Variants in PRR5L observed in about 807,000 individuals in gnomAD.
PRR5L encodes the protein proline-rich protein 5-like.
In PRR5L, 21 loss-of-function variants were observed where a neutral mutation model predicts 36.4. That is an observed-to-expected ratio of 0.58 (90% confidence interval 0.41 to 0.83). The LOEUF is 0.83. Among genes scored for constraint, PRR5L ranks in the 40% least tolerant of loss-of-function variants. The pLI, the probability that PRR5L is intolerant of heterozygous loss-of-function variation, is 0.00. For missense variants in PRR5L, 381 were observed against 473.3 expected (o/e 0.80, Z 1.81); for synonymous variants, 188 against 197.0 (o/e 0.95, Z 0.38).
chr11:36,437,499 T>C (rs554752299), intron 6 of PRR5L, 23 bp downstream of exon 6: 8 of 1,399,540 alleles, frequency 5.7e-6, no homozygotes, highest in African/African-American at 4.3e-5. Context: ...GGGGAACACT[T>C]CCTGCCATCC....
In PRR5L at chr11:36,389,094, C is replaced by T. The variant is rs545259349; in HGVS notation, c.-125-11903C>T. 4.0e-4 allele frequency among the ~76,000 whole-genome samples: 61 copies of T among 152,258 alleles called. 1 individual carries two copies. Among genetic ancestry groups the T allele is most frequent in the African/African-American group, 1.3e-3 (56 of 41,540 alleles). ...TTCCCTGTTGGTGAGCACTTATTTC[C>T]AGCTCATTGTTGTTATAAAGAAGGC... On this transcript the variant is annotated intron_variant, in intron 1 of 8. Coordinates refer to ENST00000530639, the MANE Select transcript of PRR5L (RefSeq NM_001160167.2).
chr11:36,376,211 AGGG>A, intron 1 of PRR5L: 1 of 1,291,172 alleles, frequency 7.7e-7, no homozygotes, highest in Non-Finnish European at 1.0e-6. Context: ...GAGTTGCTGA[AGGG>A]GAGGAGGAGT....
chr11:36,354,451 C>T (rs1179526798), intron 1 of PRR5L, among the ~76,000 whole-genome samples: 1 of 152,184 alleles, frequency 6.6e-6, no homozygotes, highest in Non-Finnish European at 1.5e-5. Flanking sequence ...TTGTTGGTTG[C>T]ATCTGCGGTG....
At chr11:36,302,280 T>G (rs1441028410) in intron 1 of PRR5L, among the ~76,000 whole-genome samples, 5 of 152,096 alleles carry the variant, frequency 3.3e-5, no homozygotes, top group Non-Finnish European at 5.9e-5. Context: ...GGAAGAATTT[T>G]GGGGAGAATG....
At chr11:36,419,911 T>TG (rs1858226788) in intron 4 of PRR5L, among the ~76,000 whole-genome samples, 3 of 152,154 alleles carry the variant, frequency 2.0e-5, no homozygotes, top group Non-Finnish European at 2.9e-5. Context: ...GTTTGGGTAG[T>TG]GGGGGTCCCC....
In PRR5L at chr11:36,377,272, G is replaced by A. The variant is rs1229191443; in HGVS notation, c.-125-23725G>A. On this transcript the variant is annotated intron_variant, in intron 1 of 8. Transcript: ENST00000530639. This position sits in a 1 kb window ranked among gnomAD's most constrained non-coding sequence, Gnocchi z 5.1. ...GCGCGCGCTCTGCGGACTAGGGTGGGCCAGGGCCCAGCCAGTGGGGATCCC... is the reference window on the plus strand; with the variant it reads ...GCGCGCGCTCTGCGGACTAGGGTGGACCAGGGCCCAGCCAGTGGGGATCCC... Among the ~76,000 whole-genome samples the A allele has an allele frequency of 1.3e-5, 2 of 152,194 alleles. No homozygotes were observed. The highest frequency in any genetic ancestry group is 4.8e-5 in the African/African-American group (2 of 41,452).
chr11:36,336,464 A>C (rs568222913), intron 1 of PRR5L, among the ~76,000 whole-genome samples: 32 of 151,000 alleles, frequency 2.1e-4, no homozygotes, highest in African/African-American at 7.8e-4. Flanking sequence ...TCCTGGGTTC[A>C]AGTGATCTGC....
chr11:36,354,889 GA>G (rs1298210919), intron 1 of PRR5L, among the ~76,000 whole-genome samples: 3 of 152,204 alleles, frequency 2.0e-5, no homozygotes. Flanking sequence ...AAAAAATCTG[GA>G]ATATGTGGCT....
In PRR5L at chr11:36,464,719, T is replaced by C. The variant is rs544352965; in HGVS notation, c.*1983T>C. On this transcript the variant is annotated 3_prime_UTR_variant, in exon 9 of 9. Transcript: ENST00000530639. ...GTAATTAATTAATCATGCTTGGGCT[T>C]ACTTTTTCAGTTTGTAAGGTTAAGC... The C allele has an allele frequency of 6.6e-6, 1 of 152,292 alleles. No homozygotes were observed. The highest frequency in any genetic ancestry group is 2.1e-4 in the South Asian group (1 of 4,826). The allele number at this position is 152,292 out of a possible 1,614,324, so 9.4% of individuals were successfully genotyped here.
rs375148967 is a variant in PRR5L at position 36,380,064 on chromosome 11, G to C, written c.-125-20933G>C. Among the ~76,000 whole-genome samples, 583 of 152,108 alleles carry C rather than the reference G, an allele frequency of 3.8e-3. 8 individuals carry two copies. The highest frequency in any genetic ancestry group is 0.014 in the African/African-American group (562 of 41,478). On this transcript the variant is annotated intron_variant, in intron 1 of 8. Coordinates refer to ENST00000530639, the MANE Select transcript of PRR5L (RefSeq NM_001160167.2). ...TGAAGGCCTTCCATGGAGAACCCAGGGTCCCAAGTTCTCAAGAAAATCCTA... is the reference window on the plus strand; with the variant it reads ...TGAAGGCCTTCCATGGAGAACCCAGCGTCCCAAGTTCTCAAGAAAATCCTA...
Position 36,446,498 on chromosome 11 carries a change from G to C in PRR5L, c.585+58G>C. The C allele has an allele frequency of 3.8e-6, 6 of 1,598,052 alleles. No homozygotes were observed. In the South Asian group the frequency reaches 6.7e-5, roughly 18 times the overall value. On this transcript the variant is annotated intron_variant, in intron 7 of 8. Transcript: ENST00000530639. ...GAGGGAGGGAGCGAGGGAAGAGATT[G>C]CCTTTCTGAGATGAGGGGGAAGGAA... is the stretch of plus-strand genomic sequence containing the variant.
chr11:36,351,690 T>C (rs1265184516), intron 1 of PRR5L, among the ~76,000 whole-genome samples: 5 of 47,642 alleles, frequency 1.0e-4, no homozygotes, highest in Admixed American at 3.5e-4. Context: ...TATTTATATA[T>C]TTATATATTT....
chr11:36,444,963 C>CT (rs1161413184), intron 6 of PRR5L, among the ~76,000 whole-genome samples: 1 of 152,176 alleles, frequency 6.6e-6, no homozygotes, highest in East Asian at 1.9e-4. Context: ...AACTGGCCAA[C>CT]TTTTAAAAGA....
intron 1 of PRR5L, among the ~76,000 whole-genome samples, chr11:36,389,744 C>G (rs777825556): frequency 6.6e-6 from 1 of 151,942 alleles, no homozygotes; most frequent in African/African-American, 2.4e-5. Flanking sequence ...CCCTGAGTAG[C>G]TGGGATTACA....
chr11:36,455,211 C>T (rs1021449808), intron 8 of PRR5L: 2 of 152,388 alleles, frequency 1.3e-5, no homozygotes, highest in Non-Finnish European at 2.9e-5. Flanking sequence ...AGAGGGACAC[C>T]CACCACGGGC....
intron 5 of PRR5L, among the ~76,000 whole-genome samples, chr11:36,433,416 T>G (rs984893925): frequency 2.0e-5 from 3 of 152,256 alleles, no homozygotes; most frequent in Non-Finnish European, 4.4e-5. Context: ...TGTTGTAGCA[T>G]GTGACAGGAT....
At chr11:36,351,227 T>A (rs1856939427) in intron 1 of PRR5L, among the ~76,000 whole-genome samples, 1 of 84,930 alleles carries the variant, frequency 1.2e-5, no homozygotes, top group Non-Finnish European at 2.0e-5. Flanking sequence ...AATATATATA[T>A]TTATATATAT....
intron 1 of PRR5L, among the ~76,000 whole-genome samples, chr11:36,359,488 T>C (rs1184018163): frequency 6.6e-6 from 1 of 152,260 alleles, no homozygotes; most frequent in Non-Finnish European, 1.5e-5. Flanking sequence ...ATTATCATTT[T>C]ATTCTGGTGT....
chr11:36,339,308 G>T (rs962738774), intron 1 of PRR5L, among the ~76,000 whole-genome samples: 4 of 152,182 alleles, frequency 2.6e-5, no homozygotes, highest in African/African-American at 9.7e-5. Flanking sequence ...TGGCCAGGCT[G>T]GTCTGAAACT....
Sources: allele counts gnomAD v4.1 joint callset (sites outside exome capture counted in the v4.1 genomes callset), GRCh38; gene constraint gnomAD v4.1.1; non-coding constraint Gnocchi (gnomAD v3.1); transcripts MANE v1.5; gene names NCBI Gene and HGNC (gene_info 2026-07-23, HGNC 2026-07-21).